ZFHX3: variants seen among roughly 807,000 people sequenced by gnomAD.
ZFHX3 encodes zinc finger homeobox 3.
In ZFHX3, 42 loss-of-function variants were observed where a neutral mutation model predicts 279.1. That is an observed-to-expected ratio of 0.15 (90% CI 0.12 to 0.19). The LOEUF (loss-of-function observed/expected upper bound fraction) is 0.19. Among genes scored for constraint, ZFHX3 ranks in the 10% least tolerant of loss-of-function variants. ZFHX3 has a pLI of 1.00. For synonymous variants in ZFHX3, 2,293 were observed against 1,957.8 expected, an observed-to-expected ratio of 1.17 and a Z score of -4.52; for missense variants, 4,981 against 4,754.0, an observed-to-expected ratio of 1.05 and a Z score of -1.40.
At chr16:73,835,430 C>T (rs1228628461) in intron 1 of ZFHX3, among the ~76,000 whole-genome samples, 1 of 148,960 alleles carries the variant, frequency 6.7e-6, no homozygotes, top group Non-Finnish European at 1.5e-5. Context: ...TCTTCTTTCG[C>T]CAACTTTCCT....
chr16:73,616,263 C>G (rs1291534307), intron 2 of ZFHX3, among the ~76,000 whole-genome samples: 1 of 150,888 alleles, frequency 6.6e-6, no homozygotes, highest in Non-Finnish European at 1.5e-5. Context: ...TAACAATGTG[C>G]TTTTACTTTC....
chr16:73,520,336 CT>C (rs2143704957), intron 2 of ZFHX3, among the ~76,000 whole-genome samples: 1 of 152,290 alleles, frequency 6.6e-6, no homozygotes, highest in East Asian at 1.9e-4. Context: ...AATCCTTTGT[CT>C]TCATCTAAGA....
At chr16:73,461,788 C>G (rs1217739710) in intron 2 of ZFHX3, among the ~76,000 whole-genome samples, 1 of 152,194 alleles carries the variant, frequency 6.6e-6, no homozygotes, top group Non-Finnish European at 1.5e-5. Flanking sequence ...TTTAATTAGT[C>G]TTTAAACTGG....
intron 1 of ZFHX3, among the ~76,000 whole-genome samples, chr16:72,964,281 A>G (rs1961724098): frequency 6.6e-6 from 1 of 152,258 alleles, no homozygotes; most frequent in Admixed American, 6.5e-5. Flanking sequence ...ACAGGAAAAA[A>G]GAGGAAAAAT....
intron 1 of ZFHX3, among the ~76,000 whole-genome samples, chr16:73,776,548 G>A (rs1234052913): frequency 2.6e-5 from 4 of 152,102 alleles, no homozygotes; most frequent in South Asian, 2.1e-4. Context: ...ATGCAACCGC[G>A]TTAATGCCAG....
At chr16:73,677,135 T>TTGGGG (rs1179906551) in intron 2 of ZFHX3, among the ~76,000 whole-genome samples, 1 of 151,956 alleles carries the variant, frequency 6.6e-6, no homozygotes, top group Non-Finnish European at 1.5e-5. Flanking sequence ...CAAAGATGTT[T>TTGGGG]ATACATACTA....
chr16:73,025,082 A>G (rs981531142), intron 1 of ZFHX3, among the ~76,000 whole-genome samples: 1 of 152,242 alleles, frequency 6.6e-6, no homozygotes, highest in Non-Finnish European at 1.5e-5. Context: ...AAGTTCCCAC[A>G]TGCAGAAGAC....
chr16:73,698,410 G>A (rs2127740), intron 1 of ZFHX3, among the ~76,000 whole-genome samples: 14,890 of 152,108 alleles, frequency 0.098, 801 homozygotes, highest in Non-Finnish European at 0.12. Context: ...TGCTAATATC[G>A]GTGGGTGAAC....
chr16:73,181,398 C>T (rs527785549), intron 5 of ZFHX3, among the ~76,000 whole-genome samples: 9 of 152,252 alleles, frequency 5.9e-5, no homozygotes, highest in East Asian at 1.9e-4. Flanking sequence ...CCAGCTGCAG[C>T]TAGTTTTTAG....
chr16:73,836,228 G>A (rs1961141576), intron 1 of ZFHX3, among the ~76,000 whole-genome samples: 1 of 152,154 alleles, frequency 6.6e-6, no homozygotes, highest in African/African-American at 2.4e-5. Flanking sequence ...CCCAACTGCT[G>A]AAGAACAGTC....
chr16:72,956,041 T>A (rs1049424014), intron 2 of ZFHX3, among the ~76,000 whole-genome samples: 1 of 152,132 alleles, frequency 6.6e-6, no homozygotes, highest in African/African-American at 2.4e-5. Flanking sequence ...TCAAATACCC[T>A]CAAATCATTT....
At chr16:73,018,129 G>A (rs982411853) in intron 1 of ZFHX3, among the ~76,000 whole-genome samples, 4 of 151,756 alleles carry the variant, frequency 2.6e-5, no homozygotes, top group Admixed American at 6.6e-5. Context: ...GGGACTACAG[G>A]CATGCGCCAT....
At chr16:73,061,342 G>T (rs1381011016), upstream of ZFHX3, 1 of 149,252 alleles carries the variant, frequency 6.7e-6, no homozygotes, top group Non-Finnish European at 1.5e-5. Context: ...CTAGGAGCCT[G>T]CAAAGATTCT....
At chr16:73,796,336 A>T (rs1959986715) in intron 1 of ZFHX3, 1 of 152,340 alleles carries the variant, frequency 6.6e-6, no homozygotes, top group South Asian at 2.1e-4. Flanking sequence ...GAACAGTAAG[A>T]AAAAATAATG....
At chr16:73,886,304 G>GA (rs374869516) in intron 1 of ZFHX3, among the ~76,000 whole-genome samples, 155 of 148,546 alleles carry the variant, frequency 1.0e-3, no homozygotes, top group African/African-American at 2.9e-3. Flanking sequence ...TTTTAAGAGG[G>GA]AAAAAAAAAC....
At chr16:73,594,497 C>T (rs1027040575) in intron 2 of ZFHX3, among the ~76,000 whole-genome samples, 17 of 152,098 alleles carry the variant, frequency 1.1e-4, no homozygotes, top group African/African-American at 4.1e-4. Context: ...AGAATTAAGA[C>T]TGGGAGGTGA....
Position 72,795,714 on chromosome 16 carries a change from G to T in ZFHX3, c.6968C>A (p.Thr2323Lys). 6.2e-7 allele frequency: 1 copy of T among 1,614,124 alleles called. No individual in the cohort carries two copies. Among genetic ancestry groups the T allele is most frequent in the Non-Finnish European group, 8.5e-7 (1 of 1,180,030 alleles). Reference sequence around the variant, plus strand: ...TTTGCACTGGTAGTTCAAGTTGCTTGTTCGAATGTATCTATCATTTGTAAG... The same window carrying T: ...TTTGCACTGGTAGTTCAAGTTGCTTTTTCGAATGTATCTATCATTTGTAAG... Reference protein sequence around the residue: ...RELTNDRYIRTSNLNYQCKKC... With the variant: ...RELTNDRYIRKSNLNYQCKKC... The change falls in exon 9 of 10, where the codon ACA (threonine) becomes AAA (lysine). Residue 2323 changes from threonine to lysine, a missense_variant. Physicochemically the swap from Thr to Lys is moderately conservative, Grantham distance 78 (BLOSUM62 -1). This residue lies in a region of ZFHX3 where 177 missense variants were observed against 244.2 expected (regional missense o/e 0.72). Transcript: ENST00000268489.
At position 72,991,069 on chromosome 16, in the gene ZFHX3, T is replaced by C. The variant is rs769142536; in HGVS notation, c.-49-30875A>G. Among the ~76,000 whole-genome samples, 8 of 95,542 alleles carry C rather than the reference T, an allele frequency of 8.4e-5. No individual in the cohort carries two copies. In the South Asian group the frequency reaches 1.6e-3, roughly 19 times the overall value. 62.7% of individuals were successfully genotyped at this position (95,542 alleles called of 152,430 possible). On this transcript the variant is annotated intron_variant, in intron 1 of 9. Transcript: ENST00000268489. ...CAGCATAGTATGTACTGTATAGCAT[T>C]AGGATAATATAGTATAGCAGTCCCT...
Position 72,788,638 on chromosome 16 carries a change from G to A in ZFHX3, c.9638C>T (p.Pro3213Leu), listed in dbSNP as rs780937804. The A allele has an allele frequency of 3.3e-5, 54 of 1,613,222 alleles. No individual in the cohort carries two copies. The highest frequency in any genetic ancestry group is 8.0e-5 in the African/African-American group (6 of 74,862). Residue 3213 changes from proline (P) to leucine (L), a missense_variant, in exon 10 of 10, where the codon CCG becomes CTG. Pro to Leu is a moderately conservative substitution (Grantham distance 98, BLOSUM62 -3). This residue lies in a region of ZFHX3 where 1,034 missense variants were observed against 786.0 expected (regional missense o/e 1.32). Coordinates refer to ENST00000268489, the MANE Select transcript of ZFHX3 (RefSeq NM_006885.4). The part of the protein sequence containing the change: ...QQPQVQQPPP[P>L]PAAQPPPTPQ... Reference sequence around the variant, plus strand: ...TGTGGGTGGCGGCTGGGCTGCTGGCGGCGGGGGAGGCTGCTGCACCTGTGG... The same window carrying A: ...TGTGGGTGGCGGCTGGGCTGCTGGCAGCGGGGGAGGCTGCTGCACCTGTGG...
Sources: gnomAD v4.1 joint callset for allele counts (sites outside exome capture counted in the v4.1 genomes callset) on GRCh38, gnomAD v4.1.1 for gene constraint, gnomAD v4.1.1 regional missense constraint, MANE v1.5 for transcripts, NCBI Gene and HGNC (gene_info 2026-07-23, HGNC 2026-07-21) for gene names.